Variants in EEFSEC observed in about 807,000 individuals in gnomAD.
The protein encoded by EEFSEC is selenocysteine-specific elongation factor.
In EEFSEC, 43 loss-of-function variants were observed where a neutral mutation model predicts 42.1. The observed-to-expected ratio is 1.02, with a 90% confidence interval of 0.80 to 1.32. The LOEUF is 1.32. Ranked by LOEUF, EEFSEC falls within the 40% of genes most tolerant of loss-of-function variation. The pLI is 0.00. For missense variants in EEFSEC, 745 were observed against 803.6 expected (o/e 0.93, Z 0.88); for synonymous variants, 354 against 339.1 (o/e 1.04, Z -0.48).
At chr3:128,242,539 A>G (rs556500349) in intron 1 of EEFSEC, among the ~76,000 whole-genome samples, 5 of 152,248 alleles carry the variant, frequency 3.3e-5, no homozygotes, top group African/African-American at 1.2e-4. Flanking sequence ...AAATATGTTC[A>G]AAGTATAATG....
chr3:128,319,301 T>A (rs1316656510), intron 4 of EEFSEC, among the ~76,000 whole-genome samples: 1 of 152,180 alleles, frequency 6.6e-6, no homozygotes, highest in Non-Finnish European at 1.5e-5. Context: ...GAGGCTCTCC[T>A]GTAATCTCTC....
At chr3:128,264,918 C>G in intron 4 of EEFSEC, 137 bp downstream of exon 4, 1 of 1,050,418 alleles carries the variant, frequency 9.5e-7, no homozygotes. Flanking sequence ...CCCCACCTCC[C>G]CTCTGGCTGC....
At chr3:128,339,730 C>T (rs547792121) in intron 4 of EEFSEC, among the ~76,000 whole-genome samples, 5 of 152,254 alleles carry the variant, frequency 3.3e-5, no homozygotes, top group Middle Eastern at 3.4e-3. Flanking sequence ...TCCGTTTTCA[C>T]GCTGCTGATA....
chr3:128,186,827 T>C (rs954562617), intron 1 of EEFSEC, among the ~76,000 whole-genome samples: 1 of 152,162 alleles, frequency 6.6e-6, no homozygotes, highest in African/African-American at 2.4e-5. Flanking sequence ...TCTGAAACAT[T>C]TTCCCCCAGC....
At chr3:128,341,972 A>G in intron 5 of EEFSEC, 83 bp downstream of exon 5, 1 of 1,510,666 alleles carries the variant, frequency 6.6e-7, no homozygotes, top group Admixed American at 2.1e-5. Context: ...CTGTGATGAG[A>G]GCCAGAAAGG....
At chr3:128,382,294 C>T (rs1056019915) in intron 6 of EEFSEC, among the ~76,000 whole-genome samples, 1 of 152,194 alleles carries the variant, frequency 6.6e-6, no homozygotes, top group Non-Finnish European at 1.5e-5. Flanking sequence ...AGGGCAGACA[C>T]GCTGTGCCAG....
intron 1 of EEFSEC, among the ~76,000 whole-genome samples, chr3:128,177,568 A>C (rs1052994638): frequency 2.0e-5 from 3 of 152,172 alleles, no homozygotes; most frequent in Non-Finnish European, 4.4e-5. Flanking sequence ...CCAGATTTGT[A>C]GGTCTCTGAA....
chr3:128,186,942 C>G (rs184705678), intron 1 of EEFSEC, among the ~76,000 whole-genome samples: 1 of 152,210 alleles, frequency 6.6e-6, no homozygotes, highest in African/African-American at 2.4e-5. Flanking sequence ...GCCTGTCTTC[C>G]TGTGTGAGCT....
At chr3:128,201,958 T>G (rs1157895363) in intron 1 of EEFSEC, among the ~76,000 whole-genome samples, 1 of 152,190 alleles carries the variant, frequency 6.6e-6, no homozygotes, top group Admixed American at 6.5e-5. Context: ...TCTTGAAAAG[T>G]TTTTTAGATT....
chr3:128,353,659 G>A (rs11711096), intron 5 of EEFSEC, among the ~76,000 whole-genome samples: 13,452 of 152,256 alleles, frequency 0.088, 909 homozygotes, highest in East Asian at 0.35. Context: ...GGAGAAAGTC[G>A]TCTGGGCTCA....
intron 1 of EEFSEC, among the ~76,000 whole-genome samples, chr3:128,178,259 C>G (rs149630407): frequency 6.6e-6 from 1 of 152,106 alleles, no homozygotes; most frequent in Non-Finnish European, 1.5e-5. Context: ...ATCTTATTTT[C>G]ATGTAAAATG....
At chr3:128,215,982 G>C (rs1370247019) in intron 1 of EEFSEC, among the ~76,000 whole-genome samples, 1 of 152,144 alleles carries the variant, frequency 6.6e-6, no homozygotes, top group Non-Finnish European at 1.5e-5. Context: ...GGACTGAGAA[G>C]GGGAGAGAGG....
chr3:128,242,520 A>G (rs1045113875), intron 1 of EEFSEC, among the ~76,000 whole-genome samples: 6 of 152,004 alleles, frequency 3.9e-5, no homozygotes, highest in Non-Finnish European at 8.8e-5. Flanking sequence ...TCTGATTTTG[A>G]GGTTGCTAAA....
chr3:128,214,773 G>A (rs572540207), intron 1 of EEFSEC, among the ~76,000 whole-genome samples: 11 of 152,264 alleles, frequency 7.2e-5, no homozygotes, highest in South Asian at 4.1e-4. Flanking sequence ...TTCATTTCCC[G>A]GAGGGAAACT....
chr3:128,154,992 AC>A (rs1449839900), intron 1 of EEFSEC, among the ~76,000 whole-genome samples: 4 of 152,248 alleles, frequency 2.6e-5, no homozygotes, highest in African/African-American at 9.6e-5. Flanking sequence ...ATACATGAAT[AC>A]ATGCTACTTG....
chr3:128,298,396 C>T (rs532200385), intron 4 of EEFSEC, among the ~76,000 whole-genome samples: 6 of 152,294 alleles, frequency 3.9e-5, no homozygotes, highest in South Asian at 2.1e-4. Context: ...AATCCTTCTG[C>T]CTCAGCCTCC....
chr3:128,389,888 C>T (rs907331477), intron 6 of EEFSEC, among the ~76,000 whole-genome samples: 1 of 152,224 alleles, frequency 6.6e-6, no homozygotes, highest in Non-Finnish European at 1.5e-5. Flanking sequence ...CACGTGGATC[C>T]AGTCCCACCT....
intron 4 of EEFSEC, among the ~76,000 whole-genome samples, chr3:128,321,747 G>A (rs2067010245): frequency 6.6e-6 from 1 of 152,190 alleles, no homozygotes; most frequent in Non-Finnish European, 1.5e-5. Context: ...CTGCCTGCTG[G>A]GTCTGCACTG....
At chr3:128,245,647 G>T (rs1026997534) in intron 1 of EEFSEC, among the ~76,000 whole-genome samples, 1 of 152,198 alleles carries the variant, frequency 6.6e-6, no homozygotes, top group African/African-American at 2.4e-5. Flanking sequence ...ACAGTGGGAA[G>T]AATTCTTCAG....
Sources: allele counts gnomAD v4.1 joint callset (sites outside exome capture counted in the v4.1 genomes callset), GRCh38; gene constraint gnomAD v4.1.1; transcripts MANE v1.5; gene names NCBI Gene and HGNC (gene_info 2026-07-23, HGNC 2026-07-21).